The following PDE10A variants were observed in gnomAD, a reference collection of about 807,000 sequenced individuals.
PDE10A encodes cAMP and cAMP-inhibited cGMP 3',5'-cyclic phosphodiesterase 10A.
In PDE10A, 39 loss-of-function variants were observed where a neutral mutation model predicts 97.7. That is an observed-to-expected ratio of 0.40 (90% CI 0.31 to 0.52). PDE10A has a LOEUF of 0.52. Ranked by LOEUF, PDE10A falls within the 20% of genes least tolerant of loss-of-function variation. The pLI is 0.56. For missense variants in PDE10A, 731 were observed against 1,047.8 expected (o/e 0.70, Z 4.17); for synonymous variants, 371 against 376.8 (o/e 0.98, Z 0.18).
intron 1 of PDE10A, among the ~76,000 whole-genome samples, chr6:165,747,764 G>C (rs1352322318): frequency 6.6e-6 from 1 of 152,190 alleles, no homozygotes; most frequent in South Asian, 2.1e-4. Context: ...GCAGGACCTG[G>C]TGAAGGTCCA....
chr6:165,720,013 C>T (rs989195160), intron 1 of PDE10A, among the ~76,000 whole-genome samples: 3 of 152,254 alleles, frequency 2.0e-5, no homozygotes, highest in East Asian at 1.9e-4. Context: ...GGAACTGCTG[C>T]GAGAATTTGG....
chr6:165,408,365 G>C lies in PDE10A; in HGVS notation c.2076+5136C>G, dbSNP rs1332028912. 1.3e-5 allele frequency among the ~76,000 whole-genome samples: 2 copies of C among 152,074 alleles called. 1 individual carries two copies. The highest frequency in any genetic ancestry group is 2.9e-5 in the Non-Finnish European group (2 of 68,020). ...TGTTTGGGACAACGCATAATACAAG[G>C]TGTTTTTCCTAATTTTCATATGATG... On this transcript the variant is annotated intron_variant, in intron 13 of 21. Coordinates refer to ENST00000539869, the MANE Select transcript of PDE10A (RefSeq NM_001385079.1).
At chr6:165,807,532 C>A (rs1479914736) in intron 1 of PDE10A, among the ~76,000 whole-genome samples, 2 of 152,112 alleles carry the variant, frequency 1.3e-5, no homozygotes, top group Non-Finnish European at 2.9e-5. Context: ...GGTTGAGAGC[C>A]TGGGGGCCAG....
chr6:165,422,382 TAC>T (rs1272412609), intron 10 of PDE10A, among the ~76,000 whole-genome samples: 4 of 137,418 alleles, frequency 2.9e-5, no homozygotes, highest in Non-Finnish European at 6.2e-5. Context: ...CACACAGGCA[TAC>T]ACACACGCAT....
chr6:165,475,198 T>A, intron 3 of PDE10A, among the ~76,000 whole-genome samples: 1 of 152,180 alleles, frequency 6.6e-6, no homozygotes, highest in East Asian at 1.9e-4. Flanking sequence ...GCCCTCCTGA[T>A]AATATTGTTT....
intron 1 of PDE10A, among the ~76,000 whole-genome samples, chr6:165,615,078 C>T (rs1050772332): frequency 5.9e-5 from 9 of 151,596 alleles, no homozygotes; most frequent in Non-Finnish European, 1.0e-4. Flanking sequence ...AGTACAGTGG[C>T]GGGCAGCTGT....
At chr6:165,727,296 G>C (rs914770200) in intron 1 of PDE10A, among the ~76,000 whole-genome samples, 3 of 152,228 alleles carry the variant, frequency 2.0e-5, no homozygotes, top group Non-Finnish European at 4.4e-5. Flanking sequence ...CCTTCGCTTA[G>C]GGTCACGCTT....
At chr6:165,521,226 G>T (rs1782111442) in intron 2 of PDE10A, among the ~76,000 whole-genome samples, 1 of 152,034 alleles carries the variant, frequency 6.6e-6, no homozygotes, top group Non-Finnish European at 1.5e-5. Context: ...TGTGTGTTTT[G>T]ACTCCTCCAC....
intron 1 of PDE10A, among the ~76,000 whole-genome samples, chr6:165,944,784 T>A (rs1423623521): frequency 6.6e-6 from 1 of 152,208 alleles, no homozygotes; most frequent in Non-Finnish European, 1.5e-5. Flanking sequence ...TTTAGTGATG[T>A]CATATAAATA....
intron 1 of PDE10A, among the ~76,000 whole-genome samples, chr6:165,840,285 C>A (rs1780225351): frequency 6.6e-6 from 1 of 151,612 alleles, no homozygotes; most frequent in East Asian, 1.9e-4. Flanking sequence ...TGCAATCAGT[C>A]CAGGCAAACT....
At chr6:165,958,185 GCAGGAC>G (rs1784196881) in intron 1 of PDE10A, among the ~76,000 whole-genome samples, 2 of 152,116 alleles carry the variant, frequency 1.3e-5, no homozygotes, top group South Asian at 4.1e-4. Context: ...CAGTCTGTGA[GCAGGAC>G]CTTCTGAGCT....
At chr6:165,795,248 C>T (rs1007900097) in intron 1 of PDE10A, among the ~76,000 whole-genome samples, 1 of 152,166 alleles carries the variant, frequency 6.6e-6, no homozygotes, top group African/African-American at 2.4e-5. Context: ...CTGTGTTCTT[C>T]CTCCTGGAAA....
At chr6:165,389,625 A>G (rs1312163873) in intron 16 of PDE10A, among the ~76,000 whole-genome samples, 1 of 152,208 alleles carries the variant, frequency 6.6e-6, no homozygotes, top group African/African-American at 2.4e-5. Flanking sequence ...TCTACTTGAT[A>G]GTCAAGTGGA....
intron 1 of PDE10A, among the ~76,000 whole-genome samples, chr6:165,720,524 A>G (rs953490168): frequency 6.6e-6 from 1 of 152,202 alleles, no homozygotes; most frequent in Non-Finnish European, 1.5e-5. Context: ...ATCAGAAAGA[A>G]AAACCTGTCT....
At position 165,777,132 on chromosome 6, in the gene PDE10A, C is replaced by T; in HGVS notation, c.-615+210397G>A. Among the ~76,000 whole-genome samples the T allele has an allele frequency of 1.3e-5, 2 of 152,144 alleles. 1 individual carries two copies. Among genetic ancestry groups the T allele is most frequent in the African/African-American group, 4.8e-5 (2 of 41,424 alleles). Reference sequence around the variant, plus strand: ...TGTCTACTGAGAACAGCATCCCGGACGAATCTCAGCTTTGCTCTGCGGGGC... The same window carrying T: ...TGTCTACTGAGAACAGCATCCCGGATGAATCTCAGCTTTGCTCTGCGGGGC... On this transcript the variant is annotated intron_variant, in intron 1 of 19. Transcript: ENST00000366882.
At chr6:165,765,412 A>AG (rs1221430985) in intron 1 of PDE10A, among the ~76,000 whole-genome samples, 3 of 152,246 alleles carry the variant, frequency 2.0e-5, no homozygotes, top group Admixed American at 6.5e-5. Context: ...GGCGGGCTGC[A>AG]GTCCCGAGAC....
chr6:165,590,816 G>A lies in PDE10A; in HGVS notation c.866-47248C>T, dbSNP rs143906052. 9.3e-3 allele frequency among the ~76,000 whole-genome samples: 1,421 copies of A among 152,168 alleles called. 22 individuals carry two copies. Among genetic ancestry groups the A allele is most frequent in the African/African-American group, 0.032 (1,314 of 41,512 alleles). On this transcript the variant is annotated intron_variant, in intron 1 of 21. Transcript: ENST00000539869. ...TGAGGCAGGAGAATGGCATGAACCC[G>A]GGAGGCGGAGCTTGCAGTGAGCCGA...
chr6:165,650,150 G>T (rs190566909), intron 1 of PDE10A, among the ~76,000 whole-genome samples: 7 of 152,218 alleles, frequency 4.6e-5, no homozygotes, highest in Non-Finnish European at 7.4e-5. Context: ...GATCCCAGGA[G>T]GAAGACCATA....
At chr6:165,668,801 GGAAA>G (rs1256498323) in intron 1 of PDE10A, among the ~76,000 whole-genome samples, 6 of 136,218 alleles carry the variant, frequency 4.4e-5, no homozygotes, top group Non-Finnish European at 6.4e-5. Context: ...GGAAGGGGAA[GGAAA>G]GGAGGGAGGG....
Sources: allele counts gnomAD v4.1 joint callset (sites outside exome capture counted in the v4.1 genomes callset), GRCh38; gene constraint gnomAD v4.1.1; transcripts MANE v1.5; gene names NCBI Gene and HGNC (gene_info 2026-07-23, HGNC 2026-07-21).